The following CTNND1 variants were observed in gnomAD, a reference collection of about 807,000 sequenced individuals.
CTNND1 encodes the protein catenin delta-1.
A neutral mutation model predicts 112.1 loss-of-function variants in CTNND1; 16 were observed. The ratio of observed to expected loss-of-function variants is 0.14; its 90% CI spans 0.10 to 0.22. CTNND1 has a LOEUF of 0.22. Ranked by LOEUF, CTNND1 falls within the 10% of genes least tolerant of loss-of-function variation. The pLI, the probability that CTNND1 is intolerant of heterozygous loss-of-function variation, is 1.00. For synonymous variants in CTNND1, 420 were observed against 446.5 expected (o/e 0.94, Z 0.75); for missense variants, 1,008 against 1,257.0 (o/e 0.80, Z 3.00).
rs2062944837 is a variant in CTNND1, at chr11:57,808,171, A to G, written c.1970A>G (p.Glu657Gly). The change falls in exon 13 of 21, where the codon GAG (glutamate) becomes GGG (glycine). Residue 657 changes from glutamate to glycine, a missense_variant. Transcript: ENST00000399050. ...CTATTTCTCTTTTGTGCAGGCTATGAGCTCTTATTTCAGCCAGAGGTGGTT... is the reference window on the plus strand; with the variant it reads ...CTATTTCTCTTTTGTGCAGGCTATGGGCTCTTATTTCAGCCAGAGGTGGTT... ...PKRTSPARGYELLFQPEVVRI... is the reference protein window; with the variant it reads ...PKRTSPARGYGLLFQPEVVRI... The G allele has an allele frequency of 6.2e-7, 1 of 1,612,118 alleles. No individual in the cohort carries two copies. The highest frequency in any genetic ancestry group is 1.1e-5 in the South Asian group (1 of 91,042).
At position 57,809,305 on chromosome 11, in the gene CTNND1, T is replaced by A. The variant is rs1437071960; in HGVS notation, c.2274T>A (p.Asn758Lys). The A allele has an allele frequency of 1.9e-6, 3 of 1,613,680 alleles. No homozygotes were observed. The highest frequency in any genetic ancestry group is 2.5e-6 in the Non-Finnish European group (3 of 1,179,796). ...GKHAIPNLVK[N>K]LPGGQQNSSW... ...ATGCTATTCCTAACTTGGTAAAGAA[T>A]CTGCCAGGAGGACAGCAGAACTCCT... Residue 758 changes from asparagine (N) to lysine (K), a missense_variant, in exon 15 of 21, where the codon AAT (asparagine) becomes AAA (lysine). Physicochemically the swap from Asn to Lys is moderately conservative, Grantham distance 94 (BLOSUM62 0). Transcript: ENST00000399050.
In CTNND1 at chr11:57,796,517, G is replaced by C; in HGVS notation, c.481G>C (p.Asp161His). The change falls in exon 6 of 21, where the codon GAC becomes CAC. Residue 161 changes from aspartate (D) to histidine (H), a missense_variant. Coordinates refer to ENST00000399050, the MANE Select transcript of CTNND1 (RefSeq NM_001085458.2). The stretch of plus-strand genomic sequence containing the variant: ...AGTACAGCCAGTCGCTATGGGACCA[G>C]ACGGGTTGCCTGTGGATGCTTCATC... ...RTVQPVAMGP[D>H]GLPVDASSVS... The C allele has an allele frequency of 6.2e-7, 1 of 1,613,982 alleles. No individual in the cohort carries two copies. Among genetic ancestry groups the C allele is most frequent in the Non-Finnish European group, 8.5e-7 (1 of 1,179,880 alleles).
intron 17 of CTNND1, 60 bp from the exon 18 acceptor site, chr11:57,814,251 T>A (rs1037260808): frequency 1.6e-6 from 2 of 1,253,754 alleles, no homozygotes; most frequent in African/African-American, 2.9e-5. Context: ...GCAATTTTCA[T>A]GATGTGTACA....
rs757233111 is a variant in CTNND1 at position 57,815,971 on chromosome 11, T to C, written c.2865T>C (p.Asp955=). The C allele has an allele frequency of 1.3e-6, 2 of 1,599,872 alleles. No homozygotes were observed. Among genetic ancestry groups the C allele is most frequent in the Non-Finnish European group, 1.7e-6 (2 of 1,176,438 alleles). Residue 955 remains aspartate (D), a synonymous_variant, in exon 20 of 21, where the codon GAT becomes GAC. Coordinates refer to ENST00000399050, the MANE Select transcript of CTNND1 (RefSeq NM_001085458.2). ...AGTTGGATGTGTTGGTTTTGGATGA[T>C]GAGGGGGGCCAAGTGTCTTACCCCT... ...EEELDVLVLD[D]EGGQVSYPSM...
At position 57,804,646 on chromosome 11, in the gene CTNND1, T is replaced by C. The variant is rs2062428350; in HGVS notation, c.1605-17T>C. The C allele has an allele frequency of 6.2e-7, 1 of 1,601,320 alleles. No individual in the cohort carries two copies. The highest frequency in any genetic ancestry group is 1.1e-5 in the South Asian group (1 of 90,576). On this transcript the variant is annotated splice_polypyrimidine_tract_variant and intron_variant, in intron 8 of 20. Coordinates refer to ENST00000399050, the MANE Select transcript of CTNND1 (RefSeq NM_001085458.2). ...TTCTGGATTTGAGTCATCTTGAAGCTTCTGGTTTCCCCTCAGGAATGTAAG... is the reference window on the plus strand; with the variant it reads ...TTCTGGATTTGAGTCATCTTGAAGCCTCTGGTTTCCCCTCAGGAATGTAAG...
rs144038287 is a variant in CTNND1, at chr11:57,781,072, A to G, written c.-213-7965A>G. On this transcript the variant is annotated intron_variant, in intron 1 of 20. Transcript: ENST00000399050. Reference sequence around the variant, plus strand: ...TCCTGCCTCAGCCTCCCGGGTAGCTAGGATTACAGGCATCTGCCACCACGC... The same window carrying G: ...TCCTGCCTCAGCCTCCCGGGTAGCTGGGATTACAGGCATCTGCCACCACGC... 4.2e-3 allele frequency among the ~76,000 whole-genome samples: 639 copies of G among 152,136 alleles called. 5 individuals are homozygous for G. Among genetic ancestry groups the G allele is most frequent in the African/African-American group, 0.015 (614 of 41,506 alleles).
In CTNND1 at chr11:57,781,869, C is replaced by G. The variant is rs191705034; in HGVS notation, c.-213-7168C>G. On this transcript the variant is annotated intron_variant, in intron 1 of 20. Transcript: ENST00000399050. ...TTTCAGTCCTGGGCCCCCTCACTAGCTGAGAGCCACACCCTTCCTTGGCTT... is the reference window on the plus strand; with the variant it reads ...TTTCAGTCCTGGGCCCCCTCACTAGGTGAGAGCCACACCCTTCCTTGGCTT... Among the ~76,000 whole-genome samples, 454 of 152,252 alleles carry G rather than the reference C, an allele frequency of 3.0e-3. 1 individual carries two copies. The highest frequency in any genetic ancestry group is 4.7e-3 in the Non-Finnish European group (318 of 68,014).
At chr11:57,795,764 A>G (rs1013176954) in intron 5 of CTNND1, 35 bp downstream of exon 5, 37 of 1,538,898 alleles carry the variant, frequency 2.4e-5, no homozygotes, top group Non-Finnish European at 3.1e-5. Context: ...TGGAAGTGAT[A>G]AGAGGTCTTT....
Position 57,818,822 on chromosome 11 carries a change from T to C in CTNND1, c.*2514T>C, listed in dbSNP as rs1208506311. On this transcript the variant is annotated 3_prime_UTR_variant, in exon 21 of 21. Coordinates refer to ENST00000399050, the MANE Select transcript of CTNND1 (RefSeq NM_001085458.2). ...CTGTAATACGTAGCTCTCTTAAATA[T>C]AACACTTAGGACTAGAAGATTAGAA... The C allele has an allele frequency of 2.6e-5, 4 of 152,200 alleles. No homozygotes were observed. The highest frequency in any genetic ancestry group is 4.4e-5 in the Non-Finnish European group (3 of 68,044). 9.4% of individuals were successfully genotyped at this position (152,200 alleles called of 1,614,324 possible). A position where few individuals can be genotyped will look rare whatever the true frequency, so the allele number is the denominator to read the frequency against.
chr11:57,785,838 C>T (rs371721503), intron 1 of CTNND1, among the ~76,000 whole-genome samples: 1 of 152,032 alleles, frequency 6.6e-6, no homozygotes, highest in African/African-American at 2.4e-5. Context: ...TGAGCCACCA[C>T]GCCCGGCCGG....
chr11:57,784,593 T>G (rs2059942041), intron 1 of CTNND1, among the ~76,000 whole-genome samples: 1 of 152,086 alleles, frequency 6.6e-6, no homozygotes, highest in African/African-American at 2.4e-5. Flanking sequence ...AACTTTTGTC[T>G]CTTGAGTTCA....
chr11:57,798,165 G>A (rs892140188), intron 6 of CTNND1, among the ~76,000 whole-genome samples: 2 of 151,850 alleles, frequency 1.3e-5, no homozygotes, highest in African/African-American at 2.4e-5. Flanking sequence ...TGGCTAACAC[G>A]GTGAAACCCT....
intron 3 of CTNND1, among the ~76,000 whole-genome samples, chr11:57,792,142 A>G (rs1000422515): frequency 1.3e-5 from 2 of 152,110 alleles, no homozygotes; most frequent in African/African-American, 2.4e-5. Flanking sequence ...CTCCTGCTCC[A>G]TATTGTCCTT....
intron 1 of CTNND1, among the ~76,000 whole-genome samples, chr11:57,780,663 T>G (rs1211482532): frequency 6.6e-6 from 1 of 152,220 alleles, no homozygotes; most frequent in African/African-American, 2.4e-5. Flanking sequence ...CCTCCTGCTA[T>G]CTGTCCTAAA....
At chr11:57,770,673 A>G (rs1952353820) in intron 1 of CTNND1, among the ~76,000 whole-genome samples, 1 of 152,144 alleles carries the variant, frequency 6.6e-6, no homozygotes, top group Non-Finnish European at 1.5e-5. Flanking sequence ...AAAAATAAAA[A>G]AAAAGAAAAG....
chr11:57,816,400 A>G lies in CTNND1; in HGVS notation c.*92A>G. 3 of 1,542,366 alleles carry G rather than the reference A, an allele frequency of 1.9e-6. No homozygotes were observed. The highest frequency in any genetic ancestry group is 1.8e-6 in the Non-Finnish European group (2 of 1,118,848). On this transcript the variant is annotated 3_prime_UTR_variant, in exon 21 of 21. Coordinates refer to ENST00000399050, the MANE Select transcript of CTNND1 (RefSeq NM_001085458.2). ...GATTTTCCTTTTTCTTCGCTGGACT[A>G]TTGTGCCAACTGCCAGGCTGCCTCC... is the stretch of plus-strand genomic sequence containing the variant.
At chr11:57,768,382 CATCCTT>C (rs1409039971) in intron 1 of CTNND1, among the ~76,000 whole-genome samples, 2 of 129,890 alleles carry the variant, frequency 1.5e-5, no homozygotes, top group Non-Finnish European at 1.6e-5. Flanking sequence ...TTGTGGACAT[CATCCTT>C]TTTTTTTTTT....
Position 57,809,441 on chromosome 11 carries a change from A to C in CTNND1, c.2410A>C (p.Lys804Gln), listed in dbSNP as rs1264405638. The change falls in exon 15 of 21, where the codon AAG becomes CAG. Residue 804 changes from lysine (K) to glutamine (Q), a missense_variant. By Grantham distance (53) the Lys-to-Gln change is moderately conservative. Transcript: ENST00000399050. The part of the protein sequence containing the change: ...KKLRETQGIE[K>Q]LVLINKSGNR... ...GCTTCGAGAGACACAGGGTATTGAG[A>C]AGCTGGTGTTGATCAACAAATCAGG... 6.2e-7 allele frequency: 1 copy of C among 1,612,946 alleles called. No homozygotes were observed. The highest frequency in any genetic ancestry group is 1.1e-5 in the South Asian group (1 of 90,868).
intron 6 of CTNND1, among the ~76,000 whole-genome samples, chr11:57,799,979 GTTTTTTTTT>G (rs1157141511): frequency 1.0e-4 from 6 of 58,836 alleles, no homozygotes; most frequent in Non-Finnish European, 1.5e-4. Context: ...TTGTTTCCGT[GTTTTTTTTT>G]TTTTTTTTTT....
Sources: allele counts gnomAD v4.1 joint callset (sites outside exome capture counted in the v4.1 genomes callset), GRCh38; gene constraint gnomAD v4.1.1; transcripts MANE v1.5; gene names NCBI Gene and HGNC (gene_info 2026-07-23, HGNC 2026-07-21).